Variants in PKD1 observed in about 807,000 individuals in gnomAD.
PKD1 encodes polycystin 1, transient receptor potential channel interacting, also known as polycystin-1.
PKD1 carries 81 observed loss-of-function variants against 361.7 expected under a neutral mutation model. The ratio of observed to expected loss-of-function variants is 0.22; its 90% confidence interval spans 0.19 to 0.27. PKD1 has a LOEUF of 0.27. Ranked by LOEUF, PKD1 falls within the 10% of genes least tolerant of loss-of-function variation. The probability of loss-of-function intolerance (pLI) is 1.00; values close to 1 mark genes in which losing one functional copy is unlikely to be tolerated. For synonymous variants in PKD1, 3,615 were observed against 2,818.3 expected (o/e 1.28, Z -8.95); for missense variants, 6,399 against 6,118.3 (o/e 1.05, Z -1.53).
At chr16:2,090,234 C>T in intron 45 of PKD1, 40 bp from the exon 46 acceptor site, 1 of 1,609,176 alleles carries the variant, frequency 6.2e-7, no homozygotes, top group Non-Finnish European at 8.5e-7. Flanking sequence ...CGGCTGCACC[C>T]TGGGCAGAGC....
chr16:2,103,470 T>C lies in PKD1; in HGVS notation c.8587A>G (p.Ile2863Val), dbSNP rs769547794. 5.0e-6 allele frequency: 8 copies of C among 1,600,964 alleles called. No homozygotes were observed. In the East Asian group the frequency reaches 8.9e-5, roughly 18 times the overall value. The stretch of plus-strand genomic sequence containing the variant: ...GCGCGCTCTGAGGCCAGCCGCTCGA[T>C]GGGGATCTGGGCGCCGGCCTGTGTC... ...FQTQAGAQIP[I>V]ERLASERAIT... is the part of the protein sequence containing the mutation. The change falls in exon 23 of 46, where the codon ATC becomes GTC. Residue 2863 changes from isoleucine (I) to valine (V), a missense_variant. Ile to Val is a conservative substitution (Grantham distance 29). Transcript: ENST00000262304.
rs551229859 is a variant in PKD1, at chr16:2,115,050, C to T, written c.2098-125G>A. On this transcript the variant is annotated intron_variant, in intron 10 of 45. Transcript: ENST00000262304. ...TCAGCCACACCTCAAGGAGCCTCCCCACAGTGCTCGTGACAAGGACAGGCA... is the reference window on the plus strand; with the variant it reads ...TCAGCCACACCTCAAGGAGCCTCCCTACAGTGCTCGTGACAAGGACAGGCA... 82 of 1,500,590 alleles carry T rather than the reference C, an allele frequency of 5.5e-5. No homozygotes were observed. In the African/African-American group the frequency reaches 9.3e-4, roughly 17 times the overall value. The allele number at this position is 1,500,590 out of a possible 1,614,324, so 93.0% of individuals were successfully genotyped here.
chr16:2,132,596 A>G (rs1031781758), intron 1 of PKD1, among the ~76,000 whole-genome samples: 18 of 150,252 alleles, frequency 1.2e-4, no homozygotes, highest in African/African-American at 4.4e-4. Flanking sequence ...AAAAAAGAAA[A>G]AAAAAAAGAC....
chr16:2,128,695 G>A (rs908625205), intron 1 of PKD1, among the ~76,000 whole-genome samples: 3 of 152,170 alleles, frequency 2.0e-5, no homozygotes, highest in African/African-American at 4.8e-5. Context: ...GGGAGAGGGT[G>A]CGGACTCTTC....
intron 1 of PKD1, among the ~76,000 whole-genome samples, chr16:2,130,579 C>A (rs1390212904): frequency 6.6e-6 from 1 of 152,238 alleles, no homozygotes; most frequent in Non-Finnish European, 1.5e-5. Context: ...CTAGTCCTCG[C>A]TCTCAGGATC....
rs775379313 is a variant in PKD1 at position 2,111,456 on chromosome 16, C to T, written c.3711G>A (p.Thr1237=). Residue 1237 remains threonine (T), a synonymous_variant, in exon 15 of 46, where the codon ACG becomes ACA. Transcript: ENST00000262304. ...APVVVSAAVQ[T]GDNITWTFDM... ...CGAAGGTCCACGTGATGTTGTCGCC[C>T]GTCTGCACCGCGGCGCTGACCACCA... 37 of 1,611,694 alleles carry T rather than the reference C, an allele frequency of 2.3e-5. No individual in the cohort carries two copies. Among genetic ancestry groups the T allele is most frequent in the Middle Eastern group, 1.6e-4 (1 of 6,074 alleles).
chr16:2,120,475 A>C (rs2092703316), intron 1 of PKD1, among the ~76,000 whole-genome samples: 1 of 152,172 alleles, frequency 6.6e-6, no homozygotes, highest in Admixed American at 6.5e-5. Context: ...CTGTAAACCC[A>C]GTGCTTTGGG....
chr16:2,100,719 G>A lies in PKD1; in HGVS notation c.9398-153C>T, dbSNP rs1251962935. 8.9e-5 allele frequency: 57 copies of A among 639,116 alleles called. 1 individual carries two copies. The highest frequency in any genetic ancestry group is 1.1e-4 in the East Asian group (4 of 37,250). 39.6% of individuals were successfully genotyped at this position (639,116 alleles called of 1,614,324 possible). A position where few individuals can be genotyped will look rare whatever the true frequency, so the allele number is the denominator to read the frequency against. On this transcript the variant is annotated intron_variant, in intron 26 of 45. Coordinates refer to ENST00000262304, the MANE Select transcript of PKD1 (RefSeq NM_001009944.3). The surrounding 1 kb of genome is among the most constrained non-coding windows in gnomAD (Gnocchi z 4.4). ...GGCTCTGCCATACACAAGGAGCTGC[G>A]GTTACTGCAATTTGTCCAATTAACA...
Position 2,099,779 on chromosome 16 carries a change from A to T in PKD1, c.9924-9T>A. ...TGGACACATGCCCCGTGCTGTGTGG[A>T]GGAGAGGAGGCCACACAGGTGAGGC... On this transcript the variant is annotated splice_polypyrimidine_tract_variant and intron_variant, in intron 29 of 45. Transcript: ENST00000262304. The T allele has an allele frequency of 6.4e-7, 1 of 1,552,924 alleles. No homozygotes were observed. Among genetic ancestry groups the T allele is most frequent in the Non-Finnish European group, 8.7e-7 (1 of 1,148,326 alleles).
rs1404929538 is a variant in PKD1, at chr16:2,114,765, T to C, written c.2258A>G (p.His753Arg). ...AGTGCCCTCCAGCTGGGCTGGCAAGTGGGGCAGCCATGACGAGGCGTTGGC... is the reference window on the plus strand; with the variant it reads ...AGTGCCCTCCAGCTGGGCTGGCAAGCGGGGCAGCCATGACGAGGCGTTGGC... ...LSANASSWLPHLPAQLEGTWA... is the reference protein window; with the variant it reads ...LSANASSWLPRLPAQLEGTWA... The change falls in exon 11 of 46, where the codon CAC becomes CGC. Residue 753 changes from histidine to arginine, a missense_variant. Transcript: ENST00000262304. 1.7e-5 allele frequency: 24 copies of C among 1,417,428 alleles called. No homozygotes were observed. Among genetic ancestry groups the C allele is most frequent in the Non-Finnish European group, 2.3e-5 (24 of 1,041,324 alleles). The allele number at this position is 1,417,428 out of a possible 1,614,324, so 87.8% of individuals were successfully genotyped here.
chr16:2,104,860 C>T (rs1444921852), intron 21 of PKD1, among the ~76,000 whole-genome samples: 1 of 80,466 alleles, frequency 1.2e-5, no homozygotes, highest in African/African-American at 5.0e-5. Flanking sequence ...ACCGACCACA[C>T]AAGGCACCTC....
rs2855349 is a variant in PKD1 at position 2,112,978 on chromosome 16, G to T, written c.2986-15C>A. 16 of 1,595,686 alleles carry T rather than the reference G, an allele frequency of 1.0e-5. No homozygotes were observed. The African/African-American group carries it at 2.0e-4, about 20-fold the overall frequency. On this transcript the variant is annotated splice_polypyrimidine_tract_variant and intron_variant, in intron 12 of 45. Coordinates refer to ENST00000262304, the MANE Select transcript of PKD1 (RefSeq NM_001009944.3). ...GAGGCCGTCAGCTGCAGGGACAGGC[G>T]TCAGTGAGCCCAGGTGGCAGGTGAG... is the stretch of plus-strand genomic sequence containing the variant.
rs2092135594 is a variant in PKD1 at position 2,102,452 on chromosome 16, G to A, written c.9130C>T (p.Leu3044Phe). 1.9e-6 allele frequency: 3 copies of A among 1,552,944 alleles called. No individual in the cohort carries two copies. In the East Asian group the frequency reaches 7.3e-5, roughly 38 times the overall value. ...EETSPRQAVC[L>F]TRHLTAFGAS... Reference sequence around the variant, plus strand: ...CCGAAGGCGGTGAGGTGGCGGGTGAGGCAGACGGCCTGGCGGGGCGAGGTC... The same window carrying A: ...CCGAAGGCGGTGAGGTGGCGGGTGAAGCAGACGGCCTGGCGGGGCGAGGTC... The change falls in exon 25 of 46, where the codon CTC becomes TTC. Residue 3044 changes from leucine to phenylalanine, a missense_variant. By Grantham distance (22) the Leu-to-Phe change is conservative. Coordinates refer to ENST00000262304, the MANE Select transcript of PKD1 (RefSeq NM_001009944.3).
intron 34 of PKD1, 82 bp downstream of exon 34, chr16:2,097,066 C>T: frequency 1.1e-6 from 1 of 949,256 alleles, no homozygotes; most frequent in African/African-American, 1.6e-5. Context: ...CCACCCTACC[C>T]CAGGCGGGAA....
chr16:2,094,950 T>C (rs929304610), intron 34 of PKD1: 1 of 152,360 alleles, frequency 6.6e-6, no homozygotes, highest in South Asian at 2.1e-4. Flanking sequence ...CTGCACTGAA[T>C]GCTTCCTGTT....
intron 44 of PKD1, 37 bp from the exon 45 acceptor site, chr16:2,090,627 G>C: frequency 6.2e-7 from 1 of 1,608,986 alleles, no homozygotes; most frequent in Admixed American, 1.7e-5. Context: ...GCGTACAGCT[G>C]AGCTGAGCTG....
In PKD1 at chr16:2,135,651, C is replaced by G; in HGVS notation, c.39G>C (p.Leu13=). The part of the protein sequence containing the change: ...PAAPARLALA[L]GLGLWLGALA... ...GCGCCCCGAGCCACAGGCCCAGGCC[C>G]AGGGCCAGCGCCAGGCGGGCGGGCG... The change falls in exon 1 of 46, where the codon CTG becomes CTC. Residue 13 remains leucine (L), a synonymous_variant. Transcript: ENST00000262304. 4 of 830,336 alleles carry G rather than the reference C, an allele frequency of 4.8e-6. No individual in the cohort carries two copies. The highest frequency in any genetic ancestry group is 5.8e-6 in the Non-Finnish European group (4 of 689,566). 51.4% of individuals were successfully genotyped at this position (830,336 alleles called of 1,614,324 possible). A position where few individuals can be genotyped will look rare whatever the true frequency, so the allele number is the denominator to read the frequency against.
intron 30 of PKD1, chr16:2,098,994 C>T (rs554374191): frequency 6.0e-6 from 1 of 166,074 alleles, no homozygotes; most frequent in Non-Finnish European, 1.3e-5. Flanking sequence ...CCATGCCCAG[C>T]TAAGTTTTTG....
At position 2,089,772 on chromosome 16, in the gene PKD1, C is replaced by T. The variant is rs768552525; in HGVS notation, c.12867G>A (p.Arg4289=). 9 of 1,596,654 alleles carry T rather than the reference C, an allele frequency of 5.6e-6. No individual in the cohort carries two copies. Among genetic ancestry groups the T allele is most frequent in the African/African-American group, 5.3e-5 (4 of 74,782 alleles). Reference sequence around the variant, plus strand: ...CCTTGTTCTTGGCCCGAAGGGGTGTCCTGCTGGGGCCAGTGGCCAGGTCCA... The same window carrying T: ...CCTTGTTCTTGGCCCGAAGGGGTGTTCTGCTGGGGCCAGTGGCCAGGTCCA... ...RGVDLATGPS[R]TPLRAKNKVH... is the part of the protein sequence containing the mutation. Residue 4289 remains arginine (R), a synonymous_variant, in exon 46 of 46, where the codon AGG becomes AGA. Coordinates refer to ENST00000262304, the MANE Select transcript of PKD1 (RefSeq NM_001009944.3).
Sources: gnomAD v4.1 joint callset for allele counts (sites outside exome capture counted in the v4.1 genomes callset) on GRCh38, gnomAD v4.1.1 for gene constraint, Gnocchi (gnomAD v3.1) non-coding constraint, MANE v1.5 for transcripts, NCBI Gene and HGNC (gene_info 2026-07-23, HGNC 2026-07-21) for gene names.